ALKBH8: variants seen among roughly 807,000 people sequenced by gnomAD.
The protein encoded by ALKBH8 is tRNA (carboxymethyluridine(34)-5-O)-methyltransferase ALKBH8.
A neutral mutation model predicts 59.8 loss-of-function variants in ALKBH8; 36 were observed. The observed-to-expected ratio is 0.60, with a 90% confidence interval of 0.46 to 0.79. The LOEUF is 0.79. Ranked by LOEUF, ALKBH8 falls within the 30% of genes least tolerant of loss-of-function variation. The pLI is 0.00. For missense variants in ALKBH8, 768 were observed against 801.0 expected, an observed-to-expected ratio of 0.96 and a Z score of 0.50; for synonymous variants, 276 against 273.6, an observed-to-expected ratio of 1.01 and a Z score of -0.09.
chr11:107,504,291 T>C lies in ALKBH8; in HGVS notation c.*367A>G, dbSNP rs1862285517. 3.9e-6 allele frequency: 2 copies of C among 517,390 alleles called. No homozygotes were observed. The highest frequency in any genetic ancestry group is 6.7e-6 in the Non-Finnish European group (2 of 296,820). 32.0% of individuals were successfully genotyped at this position (517,390 alleles called of 1,614,324 possible). A position where few individuals can be genotyped will look rare whatever the true frequency, so the allele number is the denominator to read the frequency against. On this transcript the variant is annotated 3_prime_UTR_variant, in exon 12 of 12. Coordinates refer to ENST00000428149, the MANE Select transcript of ALKBH8 (RefSeq NM_138775.3). ...TATTGACCAGGACTATTTTCTGTAT[T>C]AACATATAATTACATCCCTAAAATC...
intron 3 of ALKBH8, 65 bp from the exon 4 acceptor site, chr11:107,554,043 G>A (rs1355732479): frequency 6.4e-7 from 1 of 1,570,038 alleles, no homozygotes; most frequent in East Asian, 2.3e-5. Flanking sequence ...AAATAATTCT[G>A]CCCAATAACT....
At chr11:107,552,868 C>T (rs1293539410) in intron 5 of ALKBH8, among the ~76,000 whole-genome samples, 1 of 152,088 alleles carries the variant, frequency 6.6e-6, no homozygotes, top group Admixed American at 6.5e-5. Flanking sequence ...TATTATGGAT[C>T]ATTCAGTAAA....
At chr11:107,554,923 T>A (rs898702895) in intron 3 of ALKBH8, among the ~76,000 whole-genome samples, 5 of 152,220 alleles carry the variant, frequency 3.3e-5, no homozygotes, top group African/African-American at 1.2e-4. Context: ...CTTCTATTTG[T>A]TATTCAGTGC....
intron 11 of ALKBH8, among the ~76,000 whole-genome samples, chr11:107,507,702 C>G (rs7112793): frequency 6.6e-6 from 1 of 151,906 alleles, no homozygotes; most frequent in South Asian, 2.1e-4. Flanking sequence ...GTCAAATAGT[C>G]GAAGCAGTGG....
intron 1 of ALKBH8, among the ~76,000 whole-genome samples, chr11:107,561,103 C>T (rs1864919792): frequency 6.6e-6 from 1 of 152,052 alleles, no homozygotes; most frequent in South Asian, 2.1e-4. Flanking sequence ...AATAGCATAG[C>T]TCTGATGGTT....
chr11:107,508,156 T>C (rs1862470150), intron 11 of ALKBH8, among the ~76,000 whole-genome samples: 1 of 151,376 alleles, frequency 6.6e-6, no homozygotes, highest in African/African-American at 2.4e-5. Context: ...TAGCAGTGTG[T>C]AACTGATTTT....
chr11:107,565,566 TG>T (rs1281294579), intron 1 of ALKBH8, 34 bp downstream of exon 1: 1 of 1,535,632 alleles, frequency 6.5e-7, no homozygotes, highest in Admixed American at 2.0e-5. Context: ...GGTGATTTGC[TG>T]CCCGTATGCC....
rs1419143006 is a variant in ALKBH8, at chr11:107,550,849, G to C, written c.700+959C>G. Among the ~76,000 whole-genome samples the C allele has an allele frequency of 2.0e-5, 3 of 152,186 alleles. No homozygotes were observed. The East Asian group carries it at 5.8e-4, about 29-fold the overall frequency. On this transcript the variant is annotated intron_variant, in intron 6 of 11. Transcript: ENST00000428149. ...GGACATGTGAGGACATTGAGAGAAG[G>C]TGGCTGATGACAAGCCAGGAAGGGA...
At chr11:107,515,838 G>A (rs1862840865) in intron 10 of ALKBH8, among the ~76,000 whole-genome samples, 1 of 152,090 alleles carries the variant, frequency 6.6e-6, no homozygotes, top group African/African-American at 2.4e-5. Context: ...GGCAATGTCA[G>A]TATGATAGAA....
chr11:107,548,688 G>A (rs1864366331), intron 7 of ALKBH8, among the ~76,000 whole-genome samples: 1 of 152,084 alleles, frequency 6.6e-6, no homozygotes, highest in African/African-American at 2.4e-5. Flanking sequence ...AGGGTTAAGA[G>A]GCCAAAACAC....
Position 107,504,590 on chromosome 11 carries a change from TTAA to T in ALKBH8, c.*65_*67del. 1 of 1,514,278 alleles carries T rather than the reference TTAA, an allele frequency of 6.6e-7. No individual in the cohort carries two copies. Among genetic ancestry groups the T allele is most frequent in the Non-Finnish European group, 8.9e-7 (1 of 1,119,214 alleles). 93.8% of individuals were successfully genotyped at this position (1,514,278 alleles called of 1,614,324 possible). A position where few individuals can be genotyped will look rare whatever the true frequency, so the allele number is the denominator to read the frequency against. ...GTTTTCTCTTTAATTAAAAGGGTAATTAATTTATTCTCTCTTTTTTTTTAAGTG... is the reference window on the plus strand; with the variant it reads ...GTTTTCTCTTTAATTAAAAGGGTAATTTTATTCTCTCTTTTTTTTTAAGTG... On this transcript the variant is annotated 3_prime_UTR_variant, in exon 12 of 12. Coordinates refer to ENST00000428149, the MANE Select transcript of ALKBH8 (RefSeq NM_138775.3).
intron 7 of ALKBH8, among the ~76,000 whole-genome samples, chr11:107,547,190 C>T (rs768648640): frequency 2.0e-5 from 3 of 152,126 alleles, no homozygotes; most frequent in Non-Finnish European, 2.9e-5. Flanking sequence ...GTTCTTAAAA[C>T]GACTGAGGAT....
chr11:107,548,505 G>T (rs1055207485), intron 7 of ALKBH8, among the ~76,000 whole-genome samples: 1 of 152,074 alleles, frequency 6.6e-6, no homozygotes, highest in Non-Finnish European at 1.5e-5. Flanking sequence ...AGGATGGGGG[G>T]TAAAAATAAA....
chr11:107,550,193 C>G (rs779244010), intron 6 of ALKBH8, among the ~76,000 whole-genome samples: 2 of 152,144 alleles, frequency 1.3e-5, no homozygotes, highest in Non-Finnish European at 2.9e-5. Flanking sequence ...AAGCAATAAC[C>G]AGGTATAAAG....
At chr11:107,532,996 A>G (rs1201910626) in intron 7 of ALKBH8, among the ~76,000 whole-genome samples, 1 of 152,156 alleles carries the variant, frequency 6.6e-6, no homozygotes, top group African/African-American at 2.4e-5. Context: ...TGCACCTTTA[A>G]AGTAATGTAA....
chr11:107,535,265 T>C (rs1349508437), intron 7 of ALKBH8, among the ~76,000 whole-genome samples: 1 of 152,184 alleles, frequency 6.6e-6, no homozygotes, highest in Non-Finnish European at 1.5e-5. Flanking sequence ...TCTGGGTAGA[T>C]ACCTGGGAGT....
intron 10 of ALKBH8, among the ~76,000 whole-genome samples, chr11:107,514,359 T>C (rs1862768246): frequency 6.6e-6 from 1 of 152,194 alleles, no homozygotes; most frequent in South Asian, 2.1e-4. Flanking sequence ...CACATTGCCA[T>C]ACTAGTCATA....
Position 107,505,062 on chromosome 11 carries a change from TCTC to T in ALKBH8, c.1588_1590del (p.Glu530del). ...CTCTGCACTGAGGTATCACTGTTCA[TCTC>T]CTCTTTCTTTCCTTGGCTATTTCTG... On this transcript the variant is annotated inframe_deletion, in exon 12 of 12. Coordinates refer to ENST00000428149, the MANE Select transcript of ALKBH8 (RefSeq NM_138775.3). The T allele has an allele frequency of 1.9e-6, 3 of 1,551,678 alleles. No individual in the cohort carries two copies. Among genetic ancestry groups the T allele is most frequent in the Middle Eastern group, 1.7e-4 (1 of 5,994 alleles).
At chr11:107,549,896 C>T in intron 6 of ALKBH8, 73 bp from the exon 7 acceptor site, 1 of 1,083,556 alleles carries the variant, frequency 9.2e-7, no homozygotes, top group Non-Finnish European at 1.4e-6. Context: ...ATAAATGTAG[C>T]CTTATGCTAT....
Sources: gnomAD v4.1 joint callset for allele counts (sites outside exome capture counted in the v4.1 genomes callset) on GRCh38, gnomAD v4.1.1 for gene constraint, MANE v1.5 for transcripts, NCBI Gene and HGNC (gene_info 2026-07-23, HGNC 2026-07-21) for gene names.